The following SGMS1 variants were observed in gnomAD, a reference collection of about 807,000 sequenced individuals.
SGMS1 encodes phosphatidylcholine:ceramide cholinephosphotransferase 1.
In SGMS1, 13 loss-of-function variants were observed where a neutral mutation model predicts 46.2. That is an observed-to-expected ratio of 0.28 (90% CI 0.18 to 0.45). SGMS1 has a LOEUF of 0.45. Ranked by LOEUF, SGMS1 falls within the 20% of genes least tolerant of loss-of-function variation. The pLI, the probability that SGMS1 is intolerant of heterozygous loss-of-function variation, is 1.00. For missense variants in SGMS1, 324 were observed against 519.9 expected (o/e 0.62, Z 3.66); for synonymous variants, 203 against 187.8 (o/e 1.08, Z -0.66).
At chr10:50,444,318 A>T (rs1261087307) in intron 5 of SGMS1, among the ~76,000 whole-genome samples, 1 of 152,220 alleles carries the variant, frequency 6.6e-6, no homozygotes, top group Non-Finnish European at 1.5e-5. Flanking sequence ...CCAGACAAAC[A>T]TAATAAAAGA....
chr10:50,354,010 A>G (rs1848081307), intron 6 of SGMS1, among the ~76,000 whole-genome samples: 2 of 152,092 alleles, frequency 1.3e-5, no homozygotes, highest in South Asian at 4.2e-4. Context: ...AAATGGCCAT[A>G]CTGCCCAAGG....
intron 6 of SGMS1, among the ~76,000 whole-genome samples, chr10:50,353,686 A>G (rs1011085553): frequency 6.6e-6 from 1 of 152,298 alleles, no homozygotes; most frequent in Non-Finnish European, 1.5e-5. Context: ...ATATCTAGAA[A>G]ACCCCATCGT....
chr10:50,550,158 C>T (rs1305710516), intron 2 of SGMS1, among the ~76,000 whole-genome samples: 1 of 152,218 alleles, frequency 6.6e-6, no homozygotes, highest in Non-Finnish European at 1.5e-5. Flanking sequence ...GTAAATACAA[C>T]AGGCAGAGTA....
intron 3 of SGMS1, among the ~76,000 whole-genome samples, chr10:50,517,703 T>G (rs1160934411): frequency 6.6e-6 from 1 of 152,002 alleles, no homozygotes; most frequent in Admixed American, 6.6e-5. Context: ...TAAACAGAAT[T>G]CTTAAAAGAA....
chr10:50,509,733 G>C (rs1837737955), intron 3 of SGMS1, among the ~76,000 whole-genome samples: 1 of 152,160 alleles, frequency 6.6e-6, no homozygotes, highest in South Asian at 2.1e-4. Flanking sequence ...AGAAGCCAGA[G>C]TACTGAAAGG....
At chr10:50,471,357 A>G (rs1047871498) in intron 3 of SGMS1, among the ~76,000 whole-genome samples, 6 of 152,174 alleles carry the variant, frequency 3.9e-5, no homozygotes, top group Non-Finnish European at 4.4e-5. Context: ...TAGCAAGGAG[A>G]AAAAAACCAC....
intron 6 of SGMS1, among the ~76,000 whole-genome samples, chr10:50,353,302 G>C (rs553078933): frequency 6.6e-6 from 1 of 152,292 alleles, no homozygotes; most frequent in African/African-American, 2.4e-5. Context: ...ATCAATAAAC[G>C]TAATCCAGCA....
intron 6 of SGMS1, among the ~76,000 whole-genome samples, chr10:50,401,044 A>T (rs923699322): frequency 1.3e-5 from 2 of 152,188 alleles, no homozygotes; most frequent in African/African-American, 4.8e-5. Flanking sequence ...ATTGACCTCA[A>T]TGGGACTTGT....
chr10:50,615,601 C>T (rs769644187), intron 1 of SGMS1, among the ~76,000 whole-genome samples: 20 of 152,196 alleles, frequency 1.3e-4, no homozygotes, highest in Non-Finnish European at 2.6e-4. Context: ...AGAGCTATTG[C>T]TTATCTAGGC....
At position 50,503,302 on chromosome 10, in the gene SGMS1, G is replaced by T. The variant is rs145855442; in HGVS notation, c.-498+16529C>A. Among the ~76,000 whole-genome samples the T allele has an allele frequency of 2.9e-3, 435 of 152,308 alleles. 3 individuals carry two copies. The highest frequency in any genetic ancestry group is 1.0e-2 in the African/African-American group (415 of 41,574). ...AGAGCTGATTAGGAACACGCTAATTGTCCTAAGTGTAGCGGAGTGAGACCT... is the reference window on the plus strand; with the variant it reads ...AGAGCTGATTAGGAACACGCTAATTTTCCTAAGTGTAGCGGAGTGAGACCT... On this transcript the variant is annotated intron_variant, in intron 3 of 10. Transcript: ENST00000361781.
At chr10:50,613,043 G>A (rs1161303090) in intron 1 of SGMS1, among the ~76,000 whole-genome samples, 1 of 152,096 alleles carries the variant, frequency 6.6e-6, no homozygotes, top group African/African-American at 2.4e-5. Flanking sequence ...TCTCCCTTTG[G>A]GGGCTGACCA....
intron 3 of SGMS1, among the ~76,000 whole-genome samples, chr10:50,486,635 C>A (rs1315154437): frequency 2.0e-5 from 3 of 152,120 alleles, no homozygotes; most frequent in Admixed American, 6.5e-5. Flanking sequence ...GTCAGAATGG[C>A]AATTATCAAA....
chr10:50,349,109 C>T (rs548838079), intron 6 of SGMS1, among the ~76,000 whole-genome samples: 5 of 152,318 alleles, frequency 3.3e-5, no homozygotes, highest in East Asian at 3.9e-4. Context: ...AAAGGTGAGC[C>T]CCATCAGGGC....
At chr10:50,401,353 T>C (rs1172141640) in intron 6 of SGMS1, among the ~76,000 whole-genome samples, 1 of 152,212 alleles carries the variant, frequency 6.6e-6, no homozygotes, top group Non-Finnish European at 1.5e-5. Context: ...CAAATTTACC[T>C]ATTCTTTAAA....
intron 3 of SGMS1, among the ~76,000 whole-genome samples, chr10:50,514,961 G>A (rs963712447): frequency 6.6e-6 from 1 of 152,156 alleles, no homozygotes; most frequent in East Asian, 1.9e-4. Context: ...GGAATTTTTT[G>A]CACGCATCAA....
intron 3 of SGMS1, among the ~76,000 whole-genome samples, chr10:50,480,275 C>T (rs57015168): frequency 0.067 from 10,211 of 151,882 alleles, 887 homozygotes; most frequent in East Asian, 0.37. Context: ...TTAAAGAAAA[C>T]GAGAGTATTA....
chr10:50,510,756 TG>T (rs1484990717), intron 3 of SGMS1, among the ~76,000 whole-genome samples: 1 of 152,166 alleles, frequency 6.6e-6, no homozygotes, highest in Non-Finnish European at 1.5e-5. Flanking sequence ...AACTTGACAC[TG>T]GGTACAATAC....
At chr10:50,352,205 CA>C (rs1430754256) in intron 6 of SGMS1, among the ~76,000 whole-genome samples, 1 of 152,158 alleles carries the variant, frequency 6.6e-6, no homozygotes, top group Non-Finnish European at 1.5e-5. Flanking sequence ...TTCAGTACTT[CA>C]AAGGTCACTG....
At chr10:50,520,504 T>A (rs980164055) in intron 2 of SGMS1, among the ~76,000 whole-genome samples, 6 of 152,192 alleles carry the variant, frequency 3.9e-5, no homozygotes, top group Non-Finnish European at 5.9e-5. Context: ...GAGAACAGAC[T>A]AGCACCATTT....
Sources: allele counts gnomAD v4.1 joint callset (sites outside exome capture counted in the v4.1 genomes callset), GRCh38; gene constraint gnomAD v4.1.1; transcripts MANE v1.5; gene names NCBI Gene and HGNC (gene_info 2026-07-23, HGNC 2026-07-21).